The following PDE6A variants were observed in gnomAD, a reference collection of about 807,000 sequenced individuals.
PDE6A encodes phosphodiesterase 6A, also known as rod cGMP-specific 3',5'-cyclic phosphodiesterase subunit alpha.
Under a neutral mutation model 106.3 loss-of-function variants are expected in PDE6A, and 84 were observed. The observed-to-expected ratio is 0.79, with a 90% confidence interval of 0.66 to 0.95. The LOEUF is 0.95. PDE6A is among the 40% of genes least tolerant of loss of function. The pLI is 0.00. For missense variants in PDE6A, 1,052 were observed against 1,084.9 expected (o/e 0.97, Z 0.43); for synonymous variants, 394 against 386.6 (o/e 1.02, Z -0.23).
chr5:149,919,068 C>T (rs1038769337), intron 5 of PDE6A, among the ~76,000 whole-genome samples: 1 of 152,148 alleles, frequency 6.6e-6, no homozygotes, highest in Non-Finnish European at 1.5e-5. Context: ...AGTTCCAGGA[C>T]CTTCTTGACA....
intron 5 of PDE6A, among the ~76,000 whole-genome samples, chr5:149,920,605 T>C (rs2080842): frequency 0.1 from 15,945 of 152,048 alleles, 1,102 homozygotes; most frequent in Admixed American, 0.2. Flanking sequence ...GCGGGGACTG[T>C]GGCAAACTAG....
rs371269459 is a variant in PDE6A, at chr5:149,944,564, A to G, written c.110T>C (p.Leu37Pro). 3.1e-6 allele frequency: 5 copies of G among 1,613,910 alleles called. No homozygotes were observed. Among genetic ancestry groups the G allele is most frequent in the Admixed American group, 1.7e-5 (1 of 59,986 alleles). Residue 37 changes from leucine to proline, a missense_variant, in exon 1 of 22, where the codon CTT (leucine) becomes CCT (proline). Leu to Pro is a moderately conservative substitution (Grantham distance 98). Around this residue, in one of 3 missense-constraint regions of PDE6A, gnomAD observed 913 missense variants for 915.2 expected, o/e 1.00. Coordinates refer to ENST00000255266, the MANE Select transcript of PDE6A (RefSeq NM_000440.3). ...GTCCACGGCAGCCTCCTTGGCCCCA[A>G]GGAGGTCGGAGATGAGCTTGGCCCG... ...HYRAKLISDL[L>P]GAKEAAVDFS...
intron 3 of PDE6A, among the ~76,000 whole-genome samples, chr5:149,932,850 A>G (rs1754082057): frequency 6.6e-6 from 1 of 152,166 alleles, no homozygotes; most frequent in East Asian, 1.9e-4. Context: ...CCCGGTGAGG[A>G]CCGCCGCCCT....
At chr5:149,923,168 G>A (rs949249246) in intron 4 of PDE6A, among the ~76,000 whole-genome samples, 15 of 152,044 alleles carry the variant, frequency 9.9e-5, no homozygotes, top group Non-Finnish European at 1.8e-4. Flanking sequence ...TGAGTTGTTC[G>A]TTGCTCATAT....
At chr5:149,876,774 C>T (rs888085312) in intron 17 of PDE6A, among the ~76,000 whole-genome samples, 3 of 152,072 alleles carry the variant, frequency 2.0e-5, no homozygotes, top group Non-Finnish European at 4.4e-5. Context: ...CCCACCATGC[C>T]CAGTTCCTAT....
chr5:149,897,969 G>A (rs1470254321), intron 10 of PDE6A, among the ~76,000 whole-genome samples: 2 of 152,172 alleles, frequency 1.3e-5, no homozygotes, highest in African/African-American at 4.8e-5. Flanking sequence ...TCCAGATAAA[G>A]CTTCCTCTCA....
At position 149,899,521 on chromosome 5, in the gene PDE6A, C is replaced by T; in HGVS notation, c.1117G>A (p.Glu373Lys). The change falls in exon 9 of 22, where the codon GAA becomes AAA. Residue 373 changes from glutamate (E) to lysine (K), a missense_variant. Transcript: ENST00000255266. ...ATCCATCCAGACTCATCCAGAGGTT[C>T]TTTCTACAAGAGAAGGGCTAGATTA... is the stretch of plus-strand genomic sequence containing the variant. ...PAEDFFAFQKEPLDESGWMIK... is the reference protein window; with the variant it reads ...PAEDFFAFQKKPLDESGWMIK... 7 of 1,614,120 alleles carry T rather than the reference C, an allele frequency of 4.3e-6. No homozygotes were observed. Among genetic ancestry groups the T allele is most frequent in the Non-Finnish European group, 5.9e-6 (7 of 1,179,986 alleles).
At chr5:149,902,277 A>G (rs1384800166) in intron 8 of PDE6A, among the ~76,000 whole-genome samples, 1 of 152,086 alleles carries the variant, frequency 6.6e-6, no homozygotes, top group Non-Finnish European at 1.5e-5. Context: ...CTGTCCAAAC[A>G]TAAGTTTTGG....
chr5:149,863,281 A>G lies in PDE6A; in HGVS notation c.2359-15T>C. The G allele has an allele frequency of 6.2e-7, 1 of 1,614,010 alleles. No individual in the cohort carries two copies. Among genetic ancestry groups the G allele is most frequent in the Non-Finnish European group, 8.5e-7 (1 of 1,179,920 alleles). On this transcript the variant is annotated splice_polypyrimidine_tract_variant and intron_variant, in intron 20 of 21. Transcript: ENST00000255266. The surrounding 1 kb of genome is among the most constrained non-coding windows in gnomAD (Gnocchi z 4.7). Reference sequence around the variant, plus strand: ...CGGGAGAATTCCTAGAAGAGAGAGTATGTGCCTCTGGTGCAAGGGCCAGGC... The same window carrying G: ...CGGGAGAATTCCTAGAAGAGAGAGTGTGTGCCTCTGGTGCAAGGGCCAGGC...
At chr5:149,880,993 G>C (rs1760900480) in intron 17 of PDE6A, among the ~76,000 whole-genome samples, 1 of 152,140 alleles carries the variant, frequency 6.6e-6, no homozygotes, top group Non-Finnish European at 1.5e-5. Context: ...AACCCAGGAG[G>C]TGCAGGTTGC....
intron 5 of PDE6A, among the ~76,000 whole-genome samples, chr5:149,920,942 A>AAAAGAAAGAAAGAAGAAAGAAAGAAAG (rs1554091216): frequency 9.2e-6 from 1 of 108,282 alleles, no homozygotes; most frequent in South Asian, 3.3e-4. Context: ...GAAAGAGAGA[A>AAAAGAAAGAAAGAAGAAAGAAAGAAAG]AAAGAAAGAA....
At position 149,884,496 on chromosome 5, in the gene PDE6A, G is replaced by A; in HGVS notation, c.2010C>T (p.Asp670=). Residue 670 remains aspartate, a synonymous_variant, in exon 16 of 22, where the codon GAC becomes GAT. Transcript: ENST00000255266. The part of the protein sequence containing the change: ...HMMDIAIIAT[D]LALYFKKRTM... ...ATACCAACTTGAAATACAGGGCGAG[G>A]TCTGTGGCAATGATTGCAATGTCCA... The A allele has an allele frequency of 6.2e-7, 1 of 1,611,994 alleles. No homozygotes were observed. Among genetic ancestry groups the A allele is most frequent in the Non-Finnish European group, 8.5e-7 (1 of 1,178,242 alleles).
At chr5:149,896,010 G>T (rs936823448) in intron 12 of PDE6A, among the ~76,000 whole-genome samples, 1 of 152,136 alleles carries the variant, frequency 6.6e-6, no homozygotes, top group Non-Finnish European at 1.5e-5. Flanking sequence ...AAGGAATCCT[G>T]CAGGGAATGA....
In PDE6A at chr5:149,884,199, A is replaced by AAT. The variant is rs1554087091; in HGVS notation, c.2027+278_2027+279dup. On this transcript the variant is annotated intron_variant, in intron 16 of 21. Coordinates refer to ENST00000255266, the MANE Select transcript of PDE6A (RefSeq NM_000440.3). ...CCTGTCTCAAAAAAGAAAAAAAAAAAATATATATATATATATACACACACA... is the reference window on the plus strand; with the variant it reads ...CCTGTCTCAAAAAAGAAAAAAAAAAAATATATATATATATATATACACACACA... 3.2e-3 allele frequency among the ~76,000 whole-genome samples: 453 copies of AAT among 142,338 alleles called. 4 individuals are homozygous for AAT. The East Asian group carries it at 0.035, about 11-fold the overall frequency. 93.4% of individuals were successfully genotyped at this position (142,338 alleles called of 152,430 possible).
intron 12 of PDE6A, among the ~76,000 whole-genome samples, chr5:149,895,530 C>T (rs1053563655): frequency 8.6e-5 from 13 of 150,398 alleles, no homozygotes; most frequent in East Asian, 1.9e-4. Context: ...TGTTAGGAAA[C>T]GAGGTGAGCA....
chr5:149,938,637 C>T (rs1325097100), intron 1 of PDE6A, among the ~76,000 whole-genome samples: 2 of 152,106 alleles, frequency 1.3e-5, no homozygotes, highest in Non-Finnish European at 2.9e-5. Context: ...GTGGGCCTTC[C>T]CAATGAAATT....
At chr5:149,886,449 G>T in intron 13 of PDE6A, 75 bp from the exon 14 acceptor site, 1 of 1,096,242 alleles carries the variant, frequency 9.1e-7, no homozygotes, top group Non-Finnish European at 1.4e-6. Flanking sequence ...GCGGGTGTAA[G>T]GAGGAGGGCC....
intron 4 of PDE6A, among the ~76,000 whole-genome samples, chr5:149,927,325 A>T (rs1753891922): frequency 6.6e-6 from 1 of 152,190 alleles, no homozygotes; most frequent in Non-Finnish European, 1.5e-5. Flanking sequence ...GGCCTAGGAC[A>T]TTACTGTACG....
chr5:149,882,007 G>A (rs184921368), intron 17 of PDE6A, among the ~76,000 whole-genome samples: 18 of 151,532 alleles, frequency 1.2e-4, no homozygotes, highest in East Asian at 3.9e-4. Context: ...AGCCCTGATC[G>A]CCACTGCACT....
Sources: allele counts gnomAD v4.1 joint callset (sites outside exome capture counted in the v4.1 genomes callset), GRCh38; gene constraint gnomAD v4.1.1; regional missense constraint gnomAD v4.1.1; non-coding constraint Gnocchi (gnomAD v3.1); transcripts MANE v1.5; gene names NCBI Gene and HGNC (gene_info 2026-07-23, HGNC 2026-07-21).